Variants in EPHA6 observed in about 807,000 individuals in gnomAD.
EPHA6 encodes EPH receptor A6, also known as ephrin type-A receptor 6.
Under a neutral mutation model 112.0 loss-of-function variants are expected in EPHA6, and 50 were observed. That is an observed-to-expected ratio of 0.45 (90% CI 0.36 to 0.56). The LOEUF is 0.56. Ranked by LOEUF, EPHA6 falls within the 20% of genes least tolerant of loss-of-function variation. The pLI is 0.00. For missense variants in EPHA6, 1,280 were observed against 1,417.4 expected, an observed-to-expected ratio of 0.90 and a Z score of 1.56; for synonymous variants, 529 against 490.7, an observed-to-expected ratio of 1.08 and a Z score of -1.03.
chr3:97,173,620 TAATC>T (rs1347276381), intron 3 of EPHA6, among the ~76,000 whole-genome samples: 1 of 151,882 alleles, frequency 6.6e-6, no homozygotes, highest in Non-Finnish European at 1.5e-5. Context: ...CTTTATGAAA[TAATC>T]AGTCTGCTTC....
intron 1 of EPHA6, among the ~76,000 whole-genome samples, chr3:96,855,565 G>A (rs78875197): frequency 1.3e-5 from 2 of 151,884 alleles, no homozygotes; most frequent in Admixed American, 6.6e-5. Context: ...ACATTTGAGA[G>A]GCCTCCGAAT....
At chr3:97,650,242 C>G (rs527885800) in intron 14 of EPHA6, among the ~76,000 whole-genome samples, 2 of 152,100 alleles carry the variant, frequency 1.3e-5, no homozygotes, top group Admixed American at 1.3e-4. Flanking sequence ...CATAGAGACC[C>G]AGAATCTTAA....
At chr3:97,112,111 A>C (rs2047741817) in intron 3 of EPHA6, among the ~76,000 whole-genome samples, 1 of 152,156 alleles carries the variant, frequency 6.6e-6, no homozygotes, top group Non-Finnish European at 1.5e-5. Context: ...TAGTAATATG[A>C]GGTTCATAAA....
At chr3:97,175,550 T>G (rs1414676008) in intron 3 of EPHA6, among the ~76,000 whole-genome samples, 2 of 151,956 alleles carry the variant, frequency 1.3e-5, no homozygotes, top group African/African-American at 4.8e-5. Context: ...CATTTTTTGT[T>G]GTAATCTTCA....
At chr3:97,276,524 G>A (rs1367430250) in intron 5 of EPHA6, among the ~76,000 whole-genome samples, 2 of 152,188 alleles carry the variant, frequency 1.3e-5, no homozygotes, top group Non-Finnish European at 2.9e-5. Flanking sequence ...GTGTGCTGGA[G>A]ATGTGGCTGG....
At chr3:97,366,055 TA>T (rs1278424222) in intron 5 of EPHA6, among the ~76,000 whole-genome samples, 3 of 152,182 alleles carry the variant, frequency 2.0e-5, no homozygotes, top group African/African-American at 4.8e-5. Flanking sequence ...TACTCACAAT[TA>T]AGCAGACTAT....
At chr3:97,222,712 A>G (rs2078243629) in intron 3 of EPHA6, among the ~76,000 whole-genome samples, 1 of 152,212 alleles carries the variant, frequency 6.6e-6, no homozygotes. Context: ...GATATGCATA[A>G]TCTTCTACAG....
intron 15 of EPHA6, among the ~76,000 whole-genome samples, chr3:97,723,907 C>T (rs980835232): frequency 6.6e-6 from 1 of 152,158 alleles, no homozygotes; most frequent in Non-Finnish European, 1.5e-5. Context: ...GCAGAAATAG[C>T]TTAATCAAAA....
intron 2 of EPHA6, among the ~76,000 whole-genome samples, chr3:96,927,938 T>C (rs2040123113): frequency 6.6e-6 from 1 of 152,286 alleles, no homozygotes; most frequent in Admixed American, 6.5e-5. Flanking sequence ...ATTTAACTCA[T>C]GGCAGAAGGG....
At chr3:96,935,511 T>G (rs189809029) in intron 2 of EPHA6, among the ~76,000 whole-genome samples, 1 of 150,424 alleles carries the variant, frequency 6.6e-6, no homozygotes, top group Non-Finnish European at 1.5e-5. Flanking sequence ...TTTCATATAT[T>G]CTAGATTTTA....
At position 97,754,535 on chromosome 3, in the gene EPHA6, A is replaced by T. The variant is rs1392313071; in HGVS notation, c.*5834A>T. On this transcript the variant is annotated 3_prime_UTR_variant, in exon 18 of 18. Coordinates refer to ENST00000389672, the MANE Select transcript of EPHA6 (RefSeq NM_001080448.3). ...GTGGCAATCCAAAATTACATTTTAAAATGAAAAAAAGAGAAAACTTTTCAA... is the reference window on the plus strand; with the variant it reads ...GTGGCAATCCAAAATTACATTTTAATATGAAAAAAAGAGAAAACTTTTCAA... Among the ~76,000 whole-genome samples the T allele has an allele frequency of 6.6e-6, 1 of 152,222 alleles. No homozygotes were observed. Among genetic ancestry groups the T allele is most frequent in the Non-Finnish European group, 1.5e-5 (1 of 68,030 alleles).
At chr3:97,667,630 C>T (rs2030284816) in intron 14 of EPHA6, among the ~76,000 whole-genome samples, 1 of 152,278 alleles carries the variant, frequency 6.6e-6, no homozygotes. Flanking sequence ...TACATTTGAA[C>T]ATCTTTATAT....
At chr3:97,633,714 T>C (rs1388585973) in intron 13 of EPHA6, among the ~76,000 whole-genome samples, 3 of 152,120 alleles carry the variant, frequency 2.0e-5, no homozygotes, top group Non-Finnish European at 4.4e-5. Flanking sequence ...AGTTATTTAA[T>C]TCTGTCACCA....
intron 11 of EPHA6, among the ~76,000 whole-genome samples, chr3:97,581,232 G>A (rs1384412003): frequency 1.3e-5 from 2 of 152,234 alleles, no homozygotes; most frequent in African/African-American, 4.8e-5. Context: ...ATCTGTCTGG[G>A]AGAGAAAGAC....
chr3:97,222,076 A>G (rs1229909853), intron 3 of EPHA6, among the ~76,000 whole-genome samples: 1 of 151,788 alleles, frequency 6.6e-6, no homozygotes, highest in African/African-American at 2.4e-5. Context: ...AAACCTAAAT[A>G]TGCCTGAAAT....
intron 5 of EPHA6, among the ~76,000 whole-genome samples, chr3:97,364,076 A>G (rs184255449): frequency 1.2e-4 from 18 of 152,200 alleles, no homozygotes; most frequent in Non-Finnish European, 2.5e-4. Flanking sequence ...TTCTGGAGAT[A>G]GATAACAGTG....
At chr3:97,544,567 T>C (rs1054805388) in intron 11 of EPHA6, among the ~76,000 whole-genome samples, 9 of 152,310 alleles carry the variant, frequency 5.9e-5, no homozygotes, top group Non-Finnish European at 1.2e-4. Flanking sequence ...TTTTGTTGTG[T>C]CTCTGCCAGG....
intron 3 of EPHA6, among the ~76,000 whole-genome samples, chr3:97,167,197 C>T (rs377516270): frequency 3.3e-5 from 5 of 152,130 alleles, no homozygotes; most frequent in African/African-American, 1.2e-4. Context: ...AAAATTCAGA[C>T]AGATGGAAAA....
At chr3:97,174,250 T>C (rs1398317127) in intron 3 of EPHA6, among the ~76,000 whole-genome samples, 1 of 152,004 alleles carries the variant, frequency 6.6e-6, no homozygotes, top group African/African-American at 2.4e-5. Context: ...TATGGCTGAA[T>C]AGTACTTCAT....
Sources: allele counts gnomAD v4.1 joint callset (sites outside exome capture counted in the v4.1 genomes callset), GRCh38; gene constraint gnomAD v4.1.1; transcripts MANE v1.5; gene names NCBI Gene and HGNC (gene_info 2026-07-23, HGNC 2026-07-21).